ZPBP: variants seen among roughly 807,000 people sequenced by gnomAD.
ZPBP encodes the protein zona pellucida binding protein, also known as zona pellucida-binding protein 1.
In ZPBP, 26 loss-of-function variants were observed where a neutral mutation model predicts 44.8. The ratio of observed to expected loss-of-function variants is 0.58; its 90% confidence interval spans 0.43 to 0.81. The LOEUF (loss-of-function observed/expected upper bound fraction) is 0.81. Among genes scored for constraint, ZPBP ranks in the 30% least tolerant of loss-of-function variants. The pLI, the probability that ZPBP is intolerant of heterozygous loss-of-function variation, is 0.00. For missense variants in ZPBP, 409 were observed against 434.0 expected, an observed-to-expected ratio of 0.94 and a Z score of 0.51; for synonymous variants, 174 against 153.2, an observed-to-expected ratio of 1.14 and a Z score of -1.00.
intron 5 of ZPBP, among the ~76,000 whole-genome samples, chr7:50,022,186 G>C (rs961155909): frequency 1.3e-5 from 2 of 151,982 alleles, no homozygotes; most frequent in African/African-American, 4.8e-5. Context: ...AACAAAAAAA[G>C]AATACTGGCA....
At chr7:50,030,240 G>C (rs1165225694) in intron 5 of ZPBP, among the ~76,000 whole-genome samples, 2 of 152,036 alleles carry the variant, frequency 1.3e-5, no homozygotes, top group African/African-American at 4.8e-5. Flanking sequence ...GAGAGGGAAG[G>C]ACAGGGAAGG....
chr7:49,970,635 T>C (rs760667150), intron 7 of ZPBP, among the ~76,000 whole-genome samples: 59 of 151,366 alleles, frequency 3.9e-4, no homozygotes, highest in Admixed American at 2.6e-4. Flanking sequence ...AGAATAAAGC[T>C]AGAAATCAAT....
At chr7:49,873,249 G>A (rs1427967977) in intron 2 of ZPBP, among the ~76,000 whole-genome samples, 1 of 152,248 alleles carries the variant, frequency 6.6e-6, no homozygotes, top group East Asian at 1.9e-4. Context: ...TACAGTTTTG[G>A]TGGCTGGAAG....
At chr7:49,933,395 A>C (rs944423020), downstream of ZPBP, among the ~76,000 whole-genome samples, 12 of 152,364 alleles carry the variant, frequency 7.9e-5, no homozygotes, top group African/African-American at 2.9e-4. Context: ...TTGCTTAAAC[A>C]AAAGAAACTT....
chr7:49,929,235 A>C (rs896197757), intron 1 of ZPBP, among the ~76,000 whole-genome samples: 1 of 152,338 alleles, frequency 6.6e-6, no homozygotes, highest in Admixed American at 6.5e-5. Context: ...ATAGTCATGG[A>C]AGGATATGAA....
At chr7:49,869,774 G>C (rs1158854783) in intron 2 of ZPBP, among the ~76,000 whole-genome samples, 2 of 152,078 alleles carry the variant, frequency 1.3e-5, no homozygotes, top group African/African-American at 4.8e-5. Flanking sequence ...CAAGAGAATT[G>C]GATGTGCACG....
intron 5 of ZPBP, among the ~76,000 whole-genome samples, chr7:50,024,607 G>GA (rs887098906): frequency 3.3e-5 from 5 of 151,522 alleles, no homozygotes; most frequent in African/African-American, 1.2e-4. Context: ...CTCACTTTAA[G>GA]AAAAAAAACA....
intron 1 of ZPBP, among the ~76,000 whole-genome samples, chr7:49,911,115 A>G (rs1430535952): frequency 6.6e-6 from 1 of 152,158 alleles, no homozygotes; most frequent in East Asian, 1.9e-4. Context: ...ATTTAGAATT[A>G]ATTAAACGAA....
intron 3 of ZPBP, among the ~76,000 whole-genome samples, chr7:50,060,762 A>G (rs1034224860): frequency 6.6e-6 from 1 of 152,216 alleles, no homozygotes; most frequent in Non-Finnish European, 1.5e-5. Context: ...AATCCTAGCT[A>G]AACTATCCCA....
At chr7:50,037,196 G>T (rs1304210342) in intron 4 of ZPBP, among the ~76,000 whole-genome samples, 1 of 152,176 alleles carries the variant, frequency 6.6e-6, no homozygotes, top group African/African-American at 2.4e-5. Flanking sequence ...ACAGACTTCT[G>T]ACTAGACAGC....
chr7:49,937,622 A>C lies in ZPBP; in HGVS notation c.962T>G (p.Val321Gly). 2 of 1,612,328 alleles carry C rather than the reference A, an allele frequency of 1.2e-6. No individual in the cohort carries two copies. The highest frequency in any genetic ancestry group is 8.5e-7 in the Non-Finnish European group (1 of 1,178,426). Reference protein sequence around the residue: ...QQHPKCPECCVICSPGSYNPR... With the variant: ...QQHPKCPECCGICSPGSYNPR... ...GTTATATGATCCAGGGCTGCAGATC[A>C]CTGTGAAAAAAGAGTAAGTTAATAA... Residue 321 changes from valine to glycine, a missense_variant and splice_region_variant, in exon 8 of 8, where the codon GTG becomes GGG. Physicochemically the swap from Val to Gly is moderately radical, Grantham distance 109 (BLOSUM62 -3). Transcript: ENST00000046087.
intron 6 of ZPBP, among the ~76,000 whole-genome samples, chr7:50,014,006 A>T (rs1320456361): frequency 6.6e-6 from 1 of 152,234 alleles, no homozygotes; most frequent in East Asian, 1.9e-4. Flanking sequence ...TACATTGCAT[A>T]CATAAGGTAA....
chr7:50,022,135 A>C (rs1007062052), intron 5 of ZPBP, among the ~76,000 whole-genome samples: 1 of 152,174 alleles, frequency 6.6e-6, no homozygotes. Context: ...TCTTCCAAAA[A>C]TCAACAGCTG....
intron 2 of ZPBP, among the ~76,000 whole-genome samples, chr7:49,887,223 T>G (rs959332612): frequency 6.6e-6 from 1 of 152,220 alleles, no homozygotes; most frequent in African/African-American, 2.4e-5. Context: ...ATTTGTGGTC[T>G]AGCTCTGACA....
intron 6 of ZPBP, among the ~76,000 whole-genome samples, chr7:50,007,740 G>A (rs897983643): frequency 2.0e-5 from 3 of 151,988 alleles, no homozygotes. Context: ...ATCAATCAGT[G>A]TAATACATCA....
chr7:50,012,868 C>A (rs1055647386), intron 6 of ZPBP, among the ~76,000 whole-genome samples: 9 of 151,068 alleles, frequency 6.0e-5, no homozygotes, highest in African/African-American at 1.9e-4. Flanking sequence ...TTGCAGATGA[C>A]ATGATAGATT....
chr7:50,006,633 T>C (rs1206702876), intron 6 of ZPBP, among the ~76,000 whole-genome samples: 1 of 151,986 alleles, frequency 6.6e-6, no homozygotes, highest in Non-Finnish European at 1.5e-5. Context: ...AACCTACCTT[T>C]ACAACCTAGA....
chr7:50,053,187 T>C (rs547515468), intron 4 of ZPBP, among the ~76,000 whole-genome samples: 1 of 152,310 alleles, frequency 6.6e-6, no homozygotes, highest in South Asian at 2.1e-4. Context: ...GGCTGGGTAA[T>C]GAATACATGT....
rs529900315 is a variant in ZPBP, at chr7:49,990,552, AC to A, written c.784-7034del. 9.5e-4 allele frequency among the ~76,000 whole-genome samples: 145 copies of A among 152,150 alleles called. 1 individual carries two copies. Among genetic ancestry groups the A allele is most frequent in the Non-Finnish European group, 1.4e-3 (92 of 67,994 alleles). ...GTACCCCTTTGGAATGCACCCTGCAACCCTGGGACTCCTTTGAAAAAAACGT... is the reference window on the plus strand; with the variant it reads ...GTACCCCTTTGGAATGCACCCTGCAACCTGGGACTCCTTTGAAAAAAACGT... On this transcript the variant is annotated intron_variant, in intron 6 of 7. Transcript: ENST00000046087.
Sources: gnomAD v4.1 joint callset for allele counts (sites outside exome capture counted in the v4.1 genomes callset) on GRCh38, gnomAD v4.1.1 for gene constraint, MANE v1.5 for transcripts, NCBI Gene and HGNC (gene_info 2026-07-23, HGNC 2026-07-21) for gene names.